The following THSD7A variants were observed in gnomAD, a reference collection of about 807,000 sequenced individuals.
The protein encoded by THSD7A is thrombospondin type 1 domain containing 7A, also known as thrombospondin type-1 domain-containing protein 7A.
In THSD7A, 96 loss-of-function variants were observed where a neutral mutation model predicts 231.3. The ratio of observed to expected loss-of-function variants is 0.41; its 90% confidence interval spans 0.35 to 0.49. The LOEUF is 0.49. Among genes scored for constraint, THSD7A ranks in the 20% least tolerant of loss-of-function variants. The pLI is 0.05. For synonymous variants in THSD7A, 940 were observed against 743.3 expected (o/e 1.26, Z -4.30); for missense variants, 2,290 against 2,070.2 (o/e 1.11, Z -2.06).
Position 11,592,263 on chromosome 7 carries a change from A to AT in THSD7A, c.1271+990dup, listed in dbSNP as rs199800447. ...TATATATCTGGTATAAAACATTACT[A>AT]TTTTTTTTGTTGTTGTTATAGGAAT... is the stretch of plus-strand genomic sequence containing the variant. On this transcript the variant is annotated intron_variant, in intron 3 of 27. Coordinates refer to ENST00000423059, the MANE Select transcript of THSD7A (RefSeq NM_015204.3). Among the ~76,000 whole-genome samples the AT allele has an allele frequency of 5.7e-4, 87 of 151,844 alleles. 1 individual carries two copies. The highest frequency in any genetic ancestry group is 9.7e-4 in the East Asian group (5 of 5,170).
chr7:11,697,993 G>C (rs1030026084), intron 1 of THSD7A, among the ~76,000 whole-genome samples: 2 of 151,372 alleles, frequency 1.3e-5, no homozygotes, highest in African/African-American at 4.8e-5. Flanking sequence ...TGCCCCAGTT[G>C]ATCTGGAAGC....
intron 23 of THSD7A, among the ~76,000 whole-genome samples, chr7:11,395,292 C>G (rs1783139479): frequency 6.6e-6 from 1 of 152,106 alleles, no homozygotes; most frequent in Non-Finnish European, 1.5e-5. Flanking sequence ...TATAGATGCA[C>G]CCAATGCAGG....
At chr7:11,681,742 G>A (rs946624606) in intron 1 of THSD7A, among the ~76,000 whole-genome samples, 3 of 151,578 alleles carry the variant, frequency 2.0e-5, no homozygotes, top group Non-Finnish European at 4.4e-5. Context: ...GTTGACATGC[G>A]AGTACAAGAA....
intron 4 of THSD7A, among the ~76,000 whole-genome samples, chr7:11,586,037 T>C (rs1209180388): frequency 6.6e-6 from 1 of 152,166 alleles, no homozygotes; most frequent in African/African-American, 2.4e-5. Context: ...GTATTTACAG[T>C]GCATTGTGTT....
intron 1 of THSD7A, among the ~76,000 whole-genome samples, chr7:11,659,640 A>G (rs1167046732): frequency 6.6e-6 from 1 of 151,424 alleles, no homozygotes; most frequent in East Asian, 1.9e-4. Flanking sequence ...AGGTGGGTAC[A>G]TTCTTGTTAT....
At chr7:11,523,275 G>C (rs1374125450) in intron 6 of THSD7A, among the ~76,000 whole-genome samples, 1 of 152,034 alleles carries the variant, frequency 6.6e-6, no homozygotes, top group Non-Finnish European at 1.5e-5. Context: ...GTAATATGAA[G>C]ACTTTTGCTT....
intron 1 of THSD7A, chr7:11,751,277 G>C (rs1782492303): frequency 6.7e-6 from 1 of 148,358 alleles, no homozygotes; most frequent in Admixed American, 6.8e-5. Context: ...AGGAAAAGAG[G>C]GCAATGGCTT....
chr7:11,395,253 A>G (rs1783137797), intron 23 of THSD7A, among the ~76,000 whole-genome samples: 1 of 152,218 alleles, frequency 6.6e-6, no homozygotes, highest in African/African-American at 2.4e-5. Context: ...AAAGGGATCA[A>G]TGTAACAAGA....
chr7:11,713,649 G>A (rs184109907), intron 1 of THSD7A, among the ~76,000 whole-genome samples: 18 of 151,234 alleles, frequency 1.2e-4, no homozygotes, highest in African/African-American at 4.3e-4. Flanking sequence ...TTAGGATTAA[G>A]GAAAGGAGTG....
At chr7:11,410,236 C>G (rs1380998025) in intron 19 of THSD7A, among the ~76,000 whole-genome samples, 1 of 148,254 alleles carries the variant, frequency 6.7e-6, no homozygotes, top group Non-Finnish European at 1.5e-5. Context: ...GTGCTCTGCT[C>G]TCATGAACGG....
intron 1 of THSD7A, among the ~76,000 whole-genome samples, chr7:11,683,188 A>C (rs1450244290): frequency 6.6e-6 from 1 of 151,976 alleles, no homozygotes; most frequent in Non-Finnish European, 1.5e-5. Context: ...AAGAATAGAA[A>C]TCAATATCAT....
chr7:11,401,866 G>T lies in THSD7A; in HGVS notation c.4340C>A (p.Pro1447Gln), dbSNP rs771710695. Residue 1447 changes from proline (P) to glutamine (Q), a missense_variant, in exon 23 of 28, where the codon CCG becomes CAG. By Grantham distance (76) the Pro-to-Gln change is moderately conservative. Coordinates refer to ENST00000423059, the MANE Select transcript of THSD7A (RefSeq NM_015204.3). ...ATTCTCTAGTTCTTGTATAATCACC[G>T]GTCTGGATCTGACCTGTATTCCACC... ...GFGGIQVRSR[P>Q]VIIQELENQH... 1.2e-6 allele frequency: 2 copies of T among 1,613,596 alleles called. No homozygotes were observed. The highest frequency in any genetic ancestry group is 1.7e-6 in the Non-Finnish European group (2 of 1,179,826).
intron 13 of THSD7A, among the ~76,000 whole-genome samples, chr7:11,445,046 T>A (rs1315408108): frequency 6.6e-6 from 1 of 151,620 alleles, no homozygotes; most frequent in African/African-American, 2.4e-5. Flanking sequence ...TTTATAAATA[T>A]GAGATGGTTT....
intron 1 of THSD7A, among the ~76,000 whole-genome samples, chr7:11,657,928 A>G (rs149198681): frequency 3.5e-4 from 53 of 151,844 alleles, no homozygotes; most frequent in Middle Eastern, 6.8e-3. Context: ...TTCCTGTGTG[A>G]GTTATCAAGA....
chr7:11,596,681 C>A (rs1348382818), intron 2 of THSD7A, among the ~76,000 whole-genome samples: 1 of 152,220 alleles, frequency 6.6e-6, no homozygotes, highest in South Asian at 2.1e-4. Flanking sequence ...GTGATTCCTA[C>A]CACATCCCTG....
At position 11,417,603 on chromosome 7, in the gene THSD7A, T is replaced by C. The variant is rs1784005165; in HGVS notation, c.3384A>G (p.Arg1128=). ...GGCCATCTGCTGTATTCTGCATGCA[T>C]CTAGAAAAGAACATAAACATATTCT... The part of the protein sequence containing the change: ...CGEGVQTRKV[R]CMQNTADGPS... Residue 1128 remains arginine, a splice_region_variant and synonymous_variant, in exon 17 of 28, where the codon AGA becomes AGG. Transcript: ENST00000423059. The C allele has an allele frequency of 6.3e-7, 1 of 1,595,878 alleles. No individual in the cohort carries two copies. The highest frequency in any genetic ancestry group is 8.5e-7 in the Non-Finnish European group (1 of 1,175,384).
At chr7:11,759,430 A>T (rs192009633) in intron 1 of THSD7A, among the ~76,000 whole-genome samples, 2 of 152,212 alleles carry the variant, frequency 1.3e-5, no homozygotes, top group East Asian at 3.9e-4. Flanking sequence ...ATCTGTAGAA[A>T]TCATTCACAG....
At chr7:11,806,095 G>A (rs968691809) in intron 1 of THSD7A, among the ~76,000 whole-genome samples, 5 of 152,044 alleles carry the variant, frequency 3.3e-5, no homozygotes, top group Non-Finnish European at 7.4e-5. Flanking sequence ...CTCTTTGGTT[G>A]CTAAAGCACA....
At chr7:11,792,613 T>A (rs969505735) in intron 1 of THSD7A, among the ~76,000 whole-genome samples, 4 of 151,988 alleles carry the variant, frequency 2.6e-5, no homozygotes, top group African/African-American at 7.2e-5. Flanking sequence ...TGTAATGTCT[T>A]CTAACTGAAT....
Sources: allele counts gnomAD v4.1 joint callset (sites outside exome capture counted in the v4.1 genomes callset), GRCh38; gene constraint gnomAD v4.1.1; transcripts MANE v1.5; gene names NCBI Gene and HGNC (gene_info 2026-07-23, HGNC 2026-07-21).